Variants in SCRG1 observed in about 807,000 individuals in gnomAD.
The protein encoded by SCRG1 is stimulator of chondrogenesis 1.
Under a neutral mutation model 7.7 loss-of-function variants are expected in SCRG1, and 3 were observed. The observed-to-expected ratio is 0.39, with a 90% CI of 0.18 to 1.01. The LOEUF (loss-of-function observed/expected upper bound fraction) is 1.01. Among genes scored for constraint, SCRG1 ranks in the 50% least tolerant of loss-of-function variants. The pLI, the probability that SCRG1 is intolerant of heterozygous loss-of-function variation, is 0.36. For missense variants in SCRG1, 110 were observed against 117.2 expected, an observed-to-expected ratio of 0.94 and a Z score of 0.28; for synonymous variants, 46 against 41.2, an observed-to-expected ratio of 1.12 and a Z score of -0.44.
the SCRG1 span, among the ~76,000 whole-genome samples, chr4:173,440,487 A>G: frequency 2.0e-5 from 3 of 152,172 alleles, no homozygotes; most frequent in Admixed American, 1.3e-4. Flanking sequence ...ATTTTGACAG[A>G]TAGTGTGTTA....
At chr4:173,476,369 T>TAC in the SCRG1 span, among the ~76,000 whole-genome samples, 1 of 97,140 alleles carries the variant, frequency 1.0e-5, no homozygotes, top group Non-Finnish European at 2.6e-5. Flanking sequence ...AAAAAATATA[T>TAC]ATATATATAT....
At chr4:173,478,301 T>C in the SCRG1 span, among the ~76,000 whole-genome samples, 2 of 152,252 alleles carry the variant, frequency 1.3e-5, no homozygotes, top group African/African-American at 4.8e-5. Flanking sequence ...ATAAATGTTC[T>C]CTGGGCTATT....
At chr4:173,421,416 T>TG in the SCRG1 span, among the ~76,000 whole-genome samples, 7 of 147,468 alleles carry the variant, frequency 4.7e-5, no homozygotes, top group African/African-American at 1.8e-4. Flanking sequence ...TTTAGTTTGT[T>TG]GGGGGGGGGT....
At chr4:173,443,800 G>A in the SCRG1 span, among the ~76,000 whole-genome samples, 1 of 151,816 alleles carries the variant, frequency 6.6e-6, no homozygotes, top group Non-Finnish European at 1.5e-5. Flanking sequence ...TGAATACCTG[G>A]GACTATAGGC....
At chr4:173,434,725 G>C in the SCRG1 span, among the ~76,000 whole-genome samples, 1 of 152,132 alleles carries the variant, frequency 6.6e-6, no homozygotes, top group African/African-American at 2.4e-5. Flanking sequence ...CAGCTACTTG[G>C]GGGGCTGAGG....
the SCRG1 span, among the ~76,000 whole-genome samples, chr4:173,491,116 A>T: frequency 6.6e-6 from 1 of 152,100 alleles, no homozygotes; most frequent in African/African-American, 2.4e-5. Flanking sequence ...CCTGTCACCA[A>T]ACTCTGGCTG....
the SCRG1 span, among the ~76,000 whole-genome samples, chr4:173,472,492 C>A: frequency 6.6e-6 from 1 of 152,112 alleles, no homozygotes; most frequent in Non-Finnish European, 1.5e-5. Context: ...AGCTGGAGAC[C>A]TGGGAGAGCT....
Position 173,385,253 on chromosome 4 carries a change from G to T in SCRG1, c.*3088C>A, listed in dbSNP as rs1342070664. 2 of 152,140 alleles carry T rather than the reference G, an allele frequency of 1.3e-5. No individual in the cohort carries two copies. The highest frequency in any genetic ancestry group is 4.8e-5 in the African/African-American group (2 of 41,426). 9.4% of individuals were successfully genotyped at this position (152,140 alleles called of 1,614,324 possible). ...GGAGGCCAAGGCAGGCAGATCATTT[G>T]AGGCCAGGAGTTGGAGACCAGCCTG... On this transcript the variant is annotated 3_prime_UTR_variant, in exon 3 of 3. Transcript: ENST00000296506.
chr4:173,450,168 A>T, the SCRG1 span, among the ~76,000 whole-genome samples: 1 of 152,308 alleles, frequency 6.6e-6, no homozygotes, highest in South Asian at 2.1e-4. Context: ...CAGGGAAGAA[A>T]GCAAGCACAG....
At chr4:173,484,120 A>G in the SCRG1 span, among the ~76,000 whole-genome samples, 16 of 70,924 alleles carry the variant, frequency 2.3e-4, no homozygotes, top group East Asian at 6.1e-3. Context: ...TATATAATAT[A>G]CAATATATAA....
chr4:173,488,617 A>C, the SCRG1 span, among the ~76,000 whole-genome samples: 1 of 152,192 alleles, frequency 6.6e-6, no homozygotes, highest in African/African-American at 2.4e-5. Flanking sequence ...AGAGAGGATA[A>C]GCAACTTGTT....
chr4:173,515,552 C>G, the SCRG1 span, among the ~76,000 whole-genome samples: 3 of 151,424 alleles, frequency 2.0e-5, no homozygotes, highest in East Asian at 5.9e-4. This position sits in a 1 kb window ranked among gnomAD's most constrained non-coding sequence, Gnocchi z 4.6. Flanking sequence ...AATGCACCAA[C>G]AGATGAGAGA....
the SCRG1 span, among the ~76,000 whole-genome samples, chr4:173,512,452 C>T: frequency 2.0e-3 from 303 of 152,316 alleles, no homozygotes; most frequent in African/African-American, 6.8e-3. Flanking sequence ...GCATGGAAGA[C>T]GTGGATACTT....
chr4:173,489,946 G>A, the SCRG1 span, among the ~76,000 whole-genome samples: 437 of 152,166 alleles, frequency 2.9e-3, 2 homozygotes, highest in African/African-American at 9.9e-3. Flanking sequence ...ATAAAAAGAC[G>A]GAAAAATATA....
At chr4:173,449,869 G>A in the SCRG1 span, among the ~76,000 whole-genome samples, 1 of 152,164 alleles carries the variant, frequency 6.6e-6, no homozygotes, top group Non-Finnish European at 1.5e-5. Flanking sequence ...CCAGGAATAG[G>A]AATAGGAAAA....
the SCRG1 span, among the ~76,000 whole-genome samples, chr4:173,510,356 C>T: frequency 1.3e-5 from 2 of 151,962 alleles, no homozygotes; most frequent in Admixed American, 1.3e-4. The surrounding 1 kb of genome is among the most constrained non-coding windows in gnomAD (Gnocchi z 5.7). Context: ...GCCGATGGCT[C>T]CCAAGACAAC....
chr4:173,495,627 G>A, the SCRG1 span, among the ~76,000 whole-genome samples: 3 of 152,188 alleles, frequency 2.0e-5, no homozygotes, highest in Non-Finnish European at 4.4e-5. Flanking sequence ...CACAACTTTA[G>A]GAGGCATTGC....
At chr4:173,432,299 C>T in the SCRG1 span, among the ~76,000 whole-genome samples, 310 of 137,114 alleles carry the variant, frequency 2.3e-3, 1 homozygote, top group African/African-American at 8.1e-3. Context: ...TCCTTCCTCC[C>T]CCCCTCCCTC....
exon 1 of SCRG1, chr4:173,406,345 C>T (rs1436671589): frequency 6.6e-6 from 1 of 152,180 alleles, no homozygotes; most frequent in Non-Finnish European, 1.5e-5. Context: ...TACTCATTTC[C>T]AAAGTTACAT....
Sources: allele counts gnomAD v4.1 joint callset (sites outside exome capture counted in the v4.1 genomes callset), GRCh38; gene constraint gnomAD v4.1.1; non-coding constraint Gnocchi (gnomAD v3.1); transcripts MANE v1.5; gene names NCBI Gene and HGNC (gene_info 2026-07-23, HGNC 2026-07-21).